SLC19A2: variants seen among roughly 807,000 people sequenced by gnomAD.
The protein encoded by SLC19A2 is thiamine transporter 1.
SLC19A2 carries 27 observed loss-of-function variants against 44.7 expected under a neutral mutation model. The ratio of observed to expected loss-of-function variants is 0.60; its 90% CI spans 0.45 to 0.83. The LOEUF (loss-of-function observed/expected upper bound fraction) is 0.83. Among genes scored for constraint, SLC19A2 ranks in the 40% least tolerant of loss-of-function variants. The pLI, the probability that SLC19A2 is intolerant of heterozygous loss-of-function variation, is 0.00. For synonymous variants in SLC19A2, 239 were observed against 243.6 expected (o/e 0.98, Z 0.18); for missense variants, 566 against 613.7 (o/e 0.92, Z 0.82).
At chr1:169,484,865 T>A (rs1285355726) in intron 1 of SLC19A2, among the ~76,000 whole-genome samples, 1 of 152,180 alleles carries the variant, frequency 6.6e-6, no homozygotes, top group Non-Finnish European at 1.5e-5. Context: ...GAAGCAAAAC[T>A]AACATCTGTG....
At chr1:169,468,486 G>T in intron 4 of SLC19A2, 158 bp downstream of exon 4, 1 of 704,910 alleles carries the variant, frequency 1.4e-6, no homozygotes, top group Non-Finnish European at 2.4e-6. Flanking sequence ...TTGCCTAAAT[G>T]CTTCCTCAGG....
At chr1:169,470,461 C>T (rs1330451788) in intron 2 of SLC19A2, among the ~76,000 whole-genome samples, 1 of 152,078 alleles carries the variant, frequency 6.6e-6, no homozygotes, top group Non-Finnish European at 1.5e-5. Flanking sequence ...GAAAAGAGAC[C>T]GCAGGCTTCA....
chr1:169,479,312 T>C (rs753922464), intron 1 of SLC19A2, among the ~76,000 whole-genome samples: 7 of 152,238 alleles, frequency 4.6e-5, no homozygotes, highest in Non-Finnish European at 7.3e-5. Context: ...GTCCTTCTTT[T>C]TGCTTGTTTT....
chr1:169,464,268 A>G lies in SLC19A2; in HGVS notation c.*1581T>C, dbSNP rs1183810594. 1 of 152,614 alleles carries G rather than the reference A, an allele frequency of 6.6e-6. No individual in the cohort carries two copies. The highest frequency in any genetic ancestry group is 2.4e-5 in the African/African-American group (1 of 41,442). 9.5% of individuals were successfully genotyped at this position (152,614 alleles called of 1,614,324 possible). A position where few individuals can be genotyped will look rare whatever the true frequency, so the allele number is the denominator to read the frequency against. On this transcript the variant is annotated 3_prime_UTR_variant, in exon 6 of 6. Coordinates refer to ENST00000236137, the MANE Select transcript of SLC19A2 (RefSeq NM_006996.3). The stretch of plus-strand genomic sequence containing the variant: ...CTTGTTTCGGAGTACACAATTCCCA[A>G]ATTAGCACAAACAAAACAAAGCAAA...
Position 169,485,607 on chromosome 1 carries a change from T to A in SLC19A2, c.160A>T (p.Thr54Ser). The A allele has an allele frequency of 6.3e-7, 1 of 1,580,986 alleles. No individual in the cohort carries two copies. The highest frequency in any genetic ancestry group is 8.6e-7 in the Non-Finnish European group (1 of 1,163,876). Residue 54 changes from threonine to serine, a missense_variant, in exon 1 of 6, where the codon ACC becomes TCC. Transcript: ENST00000236137. ...TTGTCCGGCCCCAGCAGGTACGGGGTCAGGAAGGGCTCGGACGGCCTGAGG... is the reference window on the plus strand; with the variant it reads ...TTGTCCGGCCCCAGCAGGTACGGGGACAGGAAGGGCTCGGACGGCCTGAGG... ...ASLRPSEPFL[T>S]PYLLGPDKNL... is the part of the protein sequence containing the mutation.
At chr1:169,471,508 CAATTT>C (rs1474013399) in intron 2 of SLC19A2, among the ~76,000 whole-genome samples, 1 of 94,938 alleles carries the variant, frequency 1.1e-5, no homozygotes, top group African/African-American at 4.0e-5. Flanking sequence ...CACACACACA[CAATTT>C]AATTAGCTGG....
In SLC19A2 at chr1:169,472,529, T is replaced by C. The variant is rs186770898; in HGVS notation, c.808-2343A>G. On this transcript the variant is annotated intron_variant, in intron 2 of 5. Coordinates refer to ENST00000236137, the MANE Select transcript of SLC19A2 (RefSeq NM_006996.3). Reference sequence around the variant, plus strand: ...GATTATACAGAGTTACACTAGATAATGTATATATTTATTATAGAGGGGCTC... The same window carrying C: ...GATTATACAGAGTTACACTAGATAACGTATATATTTATTATAGAGGGGCTC... Among the ~76,000 whole-genome samples the C allele has an allele frequency of 7.2e-5, 11 of 152,302 alleles. 1 individual carries two copies. The highest frequency in any genetic ancestry group is 4.1e-4 in the South Asian group (2 of 4,830).
chr1:169,468,982 C>G, intron 3 of SLC19A2, 146 bp from the exon 4 acceptor site: 1 of 689,952 alleles, frequency 1.4e-6, no homozygotes, highest in South Asian at 1.9e-5. Context: ...TTGAAACTCA[C>G]ACAGAAATTT....
At position 169,465,945 on chromosome 1, in the gene SLC19A2, G is replaced by C. The variant is rs370262388; in HGVS notation, c.1398C>G (p.Ile466Met). The C allele has an allele frequency of 6.2e-7, 1 of 1,614,026 alleles. No homozygotes were observed. Among genetic ancestry groups the C allele is most frequent in the South Asian group, 1.1e-5 (1 of 91,082 alleles). ...CACCACTGGCCAGGAAAACCACAGC[G>C]ATGAGTGCAAAATAACTGGCATAGA... The part of the protein sequence containing the change: ...FLIYASYFAL[I>M]AVVFLASGAV... The change falls in exon 6 of 6, where the codon ATC becomes ATG. Residue 466 changes from isoleucine to methionine, a missense_variant. Transcript: ENST00000236137.
chr1:169,468,451 A>G, intron 4 of SLC19A2, 193 bp downstream of exon 4: 1 of 686,592 alleles, frequency 1.5e-6, no homozygotes, highest in Non-Finnish European at 2.4e-6. Flanking sequence ...CAGTAGGAAC[A>G]TACAAACATG....
intron 1 of SLC19A2, among the ~76,000 whole-genome samples, chr1:169,479,895 G>A (rs1198070516): frequency 6.6e-6 from 1 of 152,102 alleles, no homozygotes; most frequent in East Asian, 1.9e-4. Flanking sequence ...TAAGGTTTTA[G>A]GCAAACAATA....
Position 169,485,577 on chromosome 1 carries a change from G to A in SLC19A2, c.190C>T (p.Leu64=). 1 of 1,586,876 alleles carries A rather than the reference G, an allele frequency of 6.3e-7. No individual in the cohort carries two copies. Among genetic ancestry groups the A allele is most frequent in the Non-Finnish European group, 8.6e-7 (1 of 1,166,852 alleles). ...TPYLLGPDKN[L]TEREVFNEIY... Reference sequence around the variant, plus strand: ...GCCGCGCGTACCTCCCTCTCGGTCAGGTTCTTGTCCGGCCCCAGCAGGTAC... The same window carrying A: ...GCCGCGCGTACCTCCCTCTCGGTCAAGTTCTTGTCCGGCCCCAGCAGGTAC... The change falls in exon 1 of 6, where the codon CTG becomes TTG. Residue 64 remains leucine, a synonymous_variant. Coordinates refer to ENST00000236137, the MANE Select transcript of SLC19A2 (RefSeq NM_006996.3).
intron 2 of SLC19A2, among the ~76,000 whole-genome samples, chr1:169,471,816 G>A (rs1287222680): frequency 6.6e-6 from 1 of 151,880 alleles, no homozygotes; most frequent in Non-Finnish European, 1.5e-5. Flanking sequence ...TTCTCCCTCA[G>A]AGGCTAGAAA....
intron 3 of SLC19A2, chr1:169,469,180 G>A: frequency 3.1e-6 from 1 of 318,924 alleles, no homozygotes; most frequent in Non-Finnish European, 5.9e-6. Flanking sequence ...GGCAGGATGA[G>A]TCATCTCTCC....
chr1:169,470,604 C>T (rs1417598563), intron 2 of SLC19A2, among the ~76,000 whole-genome samples: 1 of 152,120 alleles, frequency 6.6e-6, no homozygotes, highest in African/African-American at 2.4e-5. Flanking sequence ...AATTGACAGA[C>T]TGATCCAACA....
At chr1:169,471,463 CCACACACACACACACACACACACACA>C (rs59833853) in intron 2 of SLC19A2, among the ~76,000 whole-genome samples, 2 of 118,058 alleles carry the variant, frequency 1.7e-5, no homozygotes, top group East Asian at 2.1e-4. Flanking sequence ...GATCCCGTCT[CCACACACACACACACACACACACACA>C]CACACACACA....
intron 1 of SLC19A2, among the ~76,000 whole-genome samples, chr1:169,484,406 A>C (rs1428364875): frequency 6.6e-6 from 1 of 152,168 alleles, no homozygotes; most frequent in East Asian, 1.9e-4. Flanking sequence ...GAGAAGAGTA[A>C]GGTTTAAATG....
intron 2 of SLC19A2, among the ~76,000 whole-genome samples, chr1:169,475,999 C>T (rs186301295): frequency 1.4e-3 from 213 of 152,212 alleles, no homozygotes; most frequent in Non-Finnish European, 1.9e-3. Flanking sequence ...GAGCTCAGTC[C>T]GACTGAGGCC....
chr1:169,466,060 A>G, intron 5 of SLC19A2, 83 bp from the exon 6 acceptor site: 2 of 1,541,912 alleles, frequency 1.3e-6, no homozygotes, highest in Non-Finnish European at 1.8e-6. Flanking sequence ...ATTTGTCCAT[A>G]AAGCCTCAAA....
Sources: gnomAD v4.1 joint callset for allele counts (sites outside exome capture counted in the v4.1 genomes callset) on GRCh38, gnomAD v4.1.1 for gene constraint, MANE v1.5 for transcripts, NCBI Gene and HGNC (gene_info 2026-07-23, HGNC 2026-07-21) for gene names.